ZNF490: variants seen among roughly 807,000 people sequenced by gnomAD.
ZNF490 encodes the protein zinc finger protein 490.
Under a neutral mutation model 17.7 loss-of-function variants are expected in ZNF490, and 11 were observed. That is an observed-to-expected ratio of 0.62 (90% CI 0.39 to 1.03). The LOEUF (loss-of-function observed/expected upper bound fraction) is 1.03, where lower values mean the gene tolerates loss of function less well. ZNF490 is among the 50% of genes least tolerant of loss of function. The pLI is 0.00. For missense variants in ZNF490, 542 were observed against 643.4 expected (o/e 0.84, Z 1.71); for synonymous variants, 222 against 216.1 (o/e 1.03, Z -0.24).
At position 12,579,527 on chromosome 19, in the gene ZNF490, C is replaced by A. The variant is rs1325241112; in HGVS notation, c.*958G>T. 2.4e-5 allele frequency: 3 copies of A among 127,508 alleles called. No homozygotes were observed. Among genetic ancestry groups the A allele is most frequent in the African/African-American group, 6.0e-5 (2 of 33,324 alleles). 7.9% of individuals were successfully genotyped at this position (127,508 alleles called of 1,614,324 possible). On this transcript the variant is annotated 3_prime_UTR_variant, in exon 5 of 5. Coordinates refer to ENST00000311437, the MANE Select transcript of ZNF490 (RefSeq NM_020714.3). The stretch of plus-strand genomic sequence containing the variant: ...CAGCCTAGGCAACAGAGTAAGACTC[C>A]AGCTCAAAAAAAAAAAAAAAAAAAA...
In ZNF490 at chr19:12,578,176, G is replaced by A. The variant is rs1188948959; in HGVS notation, c.*2309C>T. ...CAGGATGCATGTGACATGCACTGAC[G>A]TGAGAAGGCCGGAGCATCATCAGTG... On this transcript the variant is annotated 3_prime_UTR_variant, in exon 5 of 5. Coordinates refer to ENST00000311437, the MANE Select transcript of ZNF490 (RefSeq NM_020714.3). 22 of 985,356 alleles carry A rather than the reference G, an allele frequency of 2.2e-5. No individual in the cohort carries two copies. Among genetic ancestry groups the A allele is most frequent in the African/African-American group, 1.9e-4 (11 of 57,246 alleles). 61.0% of individuals were successfully genotyped at this position (985,356 alleles called of 1,614,324 possible).
In ZNF490 at chr19:12,577,831, T is replaced by G; in HGVS notation, c.*2654A>C. 1 of 985,478 alleles carries G rather than the reference T, an allele frequency of 1.0e-6. No homozygotes were observed. The highest frequency in any genetic ancestry group is 1.1e-4 in the East Asian group (1 of 8,800). 61.0% of individuals were successfully genotyped at this position (985,478 alleles called of 1,614,324 possible). A position where few individuals can be genotyped will look rare whatever the true frequency, so the allele number is the denominator to read the frequency against. ...TTACGAGGGTGGATGGTGACCTGGT[T>G]TCCCTCAATGCTGCCACCTCCCTTC... On this transcript the variant is annotated 3_prime_UTR_variant, in exon 5 of 5. Transcript: ENST00000311437.
chr19:12,597,598 C>T (rs1239574934), intron 2 of ZNF490, among the ~76,000 whole-genome samples: 1 of 152,182 alleles, frequency 6.6e-6, no homozygotes, highest in Non-Finnish European at 1.5e-5. Context: ...GATTGAATAA[C>T]ATCCCATTTA....
In ZNF490 at chr19:12,578,075, G is replaced by A; in HGVS notation, c.*2410C>T. On this transcript the variant is annotated 3_prime_UTR_variant, in exon 5 of 5. Coordinates refer to ENST00000311437, the MANE Select transcript of ZNF490 (RefSeq NM_020714.3). ...ACCTCCCATACACAACAGAGCTGGA[G>A]CGCTGCAGGGTGGGTCCTTTTCCAA... 1.0e-6 allele frequency: 1 copy of A among 985,492 alleles called. No homozygotes were observed. The highest frequency in any genetic ancestry group is 1.2e-6 in the Non-Finnish European group (1 of 829,992). The allele number at this position is 985,492 out of a possible 1,614,324, so 61.0% of individuals were successfully genotyped here. A position where few individuals can be genotyped will look rare whatever the true frequency, so the allele number is the denominator to read the frequency against.
At chr19:12,587,418 G>A (rs2145146599) in intron 2 of ZNF490, among the ~76,000 whole-genome samples, 1 of 66,200 alleles carries the variant, frequency 1.5e-5, no homozygotes, top group South Asian at 4.4e-4. Context: ...ACAGGTGCGA[G>A]CCACCATACC....
chr19:12,600,344 C>T (rs140760134), intron 2 of ZNF490, among the ~76,000 whole-genome samples: 2,673 of 149,904 alleles, frequency 0.018, 92 homozygotes, highest in African/African-American at 0.063. Flanking sequence ...CCAGCCTGAG[C>T]GAAAGAGCGA....
rs2023025193 is a variant in ZNF490, at chr19:12,602,984, T to C, written c.162+6174A>G. 3.3e-5 allele frequency among the ~76,000 whole-genome samples: 5 copies of C among 152,086 alleles called. 2 individuals are homozygous for C. Among genetic ancestry groups the C allele is most frequent in the Admixed American group, 2.6e-4 (4 of 15,252 alleles). ...ATTCAAATCCACAGTGATTTCCCAG[T>C]TGACACACAGACAAGAACTATGGAT... is the stretch of plus-strand genomic sequence containing the variant. On this transcript the variant is annotated intron_variant, in intron 2 of 4. Coordinates refer to ENST00000311437, the MANE Select transcript of ZNF490 (RefSeq NM_020714.3).
chr19:12,581,175 G>A lies in ZNF490; in HGVS notation c.900C>T (p.His300=). The change falls in exon 5 of 5, where the codon CAC becomes CAT. Residue 300 remains histidine (H), a synonymous_variant. Coordinates refer to ENST00000311437, the MANE Select transcript of ZNF490 (RefSeq NM_020714.3). ...YQPFLTHERT[H]TGEKPYECKQ... ...TACATTCATAAGGTTTCTCTCCAGT[G>A]TGAGTCCTTTCGTGGGTTAGAAAAG... 6.2e-7 allele frequency: 1 copy of A among 1,610,578 alleles called. No individual in the cohort carries two copies. The highest frequency in any genetic ancestry group is 2.2e-5 in the East Asian group (1 of 44,848).
At position 12,607,452 on chromosome 19, in the gene ZNF490, G is replaced by C. The variant is rs146701424; in HGVS notation, c.162+1706C>G. Among the ~76,000 whole-genome samples the C allele has an allele frequency of 3.9e-5, 6 of 152,076 alleles. No individual in the cohort carries two copies. The East Asian group carries it at 1.2e-3, about 29-fold the overall frequency. ...CAGCTACTAGGGAGCCTGTGAAGTTGAGTCTACAGTGAGCTGTGATCTTGC... is the reference window on the plus strand; with the variant it reads ...CAGCTACTAGGGAGCCTGTGAAGTTCAGTCTACAGTGAGCTGTGATCTTGC... On this transcript the variant is annotated intron_variant, in intron 2 of 4. Coordinates refer to ENST00000311437, the MANE Select transcript of ZNF490 (RefSeq NM_020714.3).
At chr19:12,583,791 CTATATA>C (rs1267957541) in intron 2 of ZNF490, among the ~76,000 whole-genome samples, 1 of 68,140 alleles carries the variant, frequency 1.5e-5, no homozygotes, top group South Asian at 5.8e-4. Context: ...CTCTCTCTCT[CTATATA>C]TATATATATA....
chr19:12,598,817 T>C (rs2022966093), intron 2 of ZNF490, among the ~76,000 whole-genome samples: 1 of 150,828 alleles, frequency 6.6e-6, no homozygotes, highest in Non-Finnish European at 1.5e-5. Flanking sequence ...TGAAACCCCA[T>C]CTCTACTAAA....
chr19:12,596,652 G>A (rs1016806190), intron 2 of ZNF490, among the ~76,000 whole-genome samples: 2 of 152,130 alleles, frequency 1.3e-5, no homozygotes. Context: ...GCGACACTGC[G>A]AGACCGTGTC....
At chr19:12,597,055 G>A (rs1441062928) in intron 2 of ZNF490, 1 of 453,754 alleles carries the variant, frequency 2.2e-6, no homozygotes, top group Admixed American at 2.4e-5. Context: ...GGAGACCCTC[G>A]GGTCAGCTGC....
rs1331308514 is a variant in ZNF490 at position 12,579,544 on chromosome 19, A to G, written c.*941T>C. On this transcript the variant is annotated 3_prime_UTR_variant, in exon 5 of 5. Coordinates refer to ENST00000311437, the MANE Select transcript of ZNF490 (RefSeq NM_020714.3). ...TAAGACTCCAGCTCAAAAAAAAAAA[A>G]AAAAAAAAGTAAAACGAACAATTTG... 1 of 151,654 alleles carries G rather than the reference A, an allele frequency of 6.6e-6. No homozygotes were observed. The highest frequency in any genetic ancestry group is 1.5e-5 in the Non-Finnish European group (1 of 67,946). The allele number at this position is 151,654 out of a possible 1,614,324, so 9.4% of individuals were successfully genotyped here.
rs1337277998 is a variant in ZNF490 at position 12,578,216 on chromosome 19, T to C, written c.*2269A>G. ...CATCATCAGTGCATATGCCGCTGAA[T>C]ATCTCAGGGTAGAATGTGCCAGAAA... On this transcript the variant is annotated 3_prime_UTR_variant, in exon 5 of 5. Transcript: ENST00000311437. The C allele has an allele frequency of 2.0e-6, 2 of 985,384 alleles. No individual in the cohort carries two copies. The highest frequency in any genetic ancestry group is 1.7e-5 in the African/African-American group (1 of 57,238). The allele number at this position is 985,384 out of a possible 1,614,324, so 61.0% of individuals were successfully genotyped here.
At position 12,580,312 on chromosome 19, in the gene ZNF490, T is replaced by C; in HGVS notation, c.*173A>G. On this transcript the variant is annotated 3_prime_UTR_variant, in exon 5 of 5. Coordinates refer to ENST00000311437, the MANE Select transcript of ZNF490 (RefSeq NM_020714.3). ...AATCCCGCAGGAGAGTGCAAGTTCCTCCCCCATTTGTTAAATATTTCATTG... is the reference window on the plus strand; with the variant it reads ...AATCCCGCAGGAGAGTGCAAGTTCCCCCCCCATTTGTTAAATATTTCATTG... 1 of 1,421,550 alleles carries C rather than the reference T, an allele frequency of 7.0e-7. No individual in the cohort carries two copies. Among genetic ancestry groups the C allele is most frequent in the South Asian group, 1.7e-5 (1 of 58,422 alleles). The allele number at this position is 1,421,550 out of a possible 1,614,324, so 88.1% of individuals were successfully genotyped here.
chr19:12,594,472 A>T (rs1168152336), intron 2 of ZNF490, among the ~76,000 whole-genome samples: 4 of 151,712 alleles, frequency 2.6e-5, no homozygotes, highest in Non-Finnish European at 4.4e-5. Context: ...TCTCAAAAAA[A>T]AAAAAAGAAA....
At chr19:12,610,330 C>G (rs1314817557) in intron 1 of ZNF490, among the ~76,000 whole-genome samples, 1 of 149,598 alleles carries the variant, frequency 6.7e-6, no homozygotes, top group Non-Finnish European at 1.5e-5. Flanking sequence ...GCCCCCACCA[C>G]GCAGTAGCTG....
intron 2 of ZNF490, among the ~76,000 whole-genome samples, chr19:12,601,170 C>T (rs528177984): frequency 1.3e-5 from 2 of 151,734 alleles, no homozygotes; most frequent in Admixed American, 6.6e-5. Flanking sequence ...GGGTAGATCA[C>T]GAGGTCAGGA....
Sources: allele counts gnomAD v4.1 joint callset (sites outside exome capture counted in the v4.1 genomes callset), GRCh38; gene constraint gnomAD v4.1.1; transcripts MANE v1.5; gene names NCBI Gene and HGNC (gene_info 2026-07-23, HGNC 2026-07-21).